Variants in ME3 observed in about 807,000 individuals in gnomAD.
The protein encoded by ME3 is NADP-dependent malic enzyme, mitochondrial.
In ME3, 48 loss-of-function variants were observed where a neutral mutation model predicts 68.9. The observed-to-expected ratio is 0.70, with a 90% CI of 0.55 to 0.89. The LOEUF is 0.89. Among genes scored for constraint, ME3 ranks in the 40% least tolerant of loss-of-function variants. The pLI, the probability that ME3 is intolerant of heterozygous loss-of-function variation, is 0.00. For missense variants in ME3, 675 were observed against 797.4 expected (o/e 0.85, Z 1.85); for synonymous variants, 320 against 318.8 (o/e 1.00, Z -0.04).
chr11:86,470,527 ACT>A (rs1202812631), intron 7 of ME3, among the ~76,000 whole-genome samples: 1 of 151,880 alleles, frequency 6.6e-6, no homozygotes, highest in Non-Finnish European at 1.5e-5. Flanking sequence ...AATTTGGAAA[ACT>A]CTGTGTGTTA....
At chr11:86,637,667 A>T (rs996328660) in intron 2 of ME3, among the ~76,000 whole-genome samples, 1 of 152,120 alleles carries the variant, frequency 6.6e-6, no homozygotes, top group African/African-American at 2.4e-5. Context: ...TGTGCTAAGG[A>T]GTTTAACTTT....
At chr11:86,435,428 G>A in the ME3 span, 1 of 152,236 alleles carries the variant, frequency 6.6e-6, no homozygotes, top group East Asian at 1.9e-4. Context: ...GTCCTCCTGA[G>A]GTAAGTGGCC....
At chr11:86,440,488 C>T (rs114247818), downstream of ME3, among the ~76,000 whole-genome samples, 473 of 152,274 alleles carry the variant, frequency 3.1e-3, 4 homozygotes, top group African/African-American at 0.011. Flanking sequence ...TCAAGTCTTC[C>T]CTAGATCTCC....
At chr11:86,524,865 G>A (rs1163307348) in intron 4 of ME3, among the ~76,000 whole-genome samples, 2 of 152,248 alleles carry the variant, frequency 1.3e-5, no homozygotes, top group Non-Finnish European at 2.9e-5. Flanking sequence ...GCAGGGGGAA[G>A]GGGAGAAGCA....
chr11:86,651,398 TC>T (rs1407343507), intron 2 of ME3, among the ~76,000 whole-genome samples: 4 of 152,140 alleles, frequency 2.6e-5, no homozygotes, highest in African/African-American at 7.2e-5. Flanking sequence ...AGACAAAACT[TC>T]CAGAGGAACG....
At chr11:86,451,948 G>A (rs1949654644) in intron 8 of ME3, among the ~76,000 whole-genome samples, 1 of 152,182 alleles carries the variant, frequency 6.6e-6, no homozygotes, top group African/African-American at 2.4e-5. Flanking sequence ...GCCTACTGAA[G>A]AATTACCTAA....
Position 86,642,695 on chromosome 11 carries a change from C to A in ME3, c.183+29067G>T, listed in dbSNP as rs113904826. Among the ~76,000 whole-genome samples, 626 of 152,222 alleles carry A rather than the reference C, an allele frequency of 4.1e-3. 3 individuals are homozygous for A. Among genetic ancestry groups the A allele is most frequent in the African/African-American group, 0.014 (568 of 41,546 alleles). On this transcript the variant is annotated intron_variant, in intron 2 of 14. Transcript: ENST00000543262. ...CTCCAGCCTGGGTGACAGAGCAAGA[C>A]CCTGTCTTATAAAATAAAATCAAAT...
At chr11:86,458,475 A>T (rs1034643486) in intron 8 of ME3, among the ~76,000 whole-genome samples, 2 of 152,040 alleles carry the variant, frequency 1.3e-5, no homozygotes, top group African/African-American at 4.8e-5. Context: ...AGGAATGATG[A>T]TCATCTTCTT....
intron 2 of ME3, among the ~76,000 whole-genome samples, chr11:86,603,038 G>T (rs112648244): frequency 1.3e-5 from 2 of 152,168 alleles, no homozygotes; most frequent in Non-Finnish European, 2.9e-5. Flanking sequence ...ATAGGCATGG[G>T]CAAGGACTTC....
At chr11:86,437,253 T>C (rs2138563873), downstream of ME3, 1 of 152,330 alleles carries the variant, frequency 6.6e-6, no homozygotes, top group African/African-American at 2.4e-5. Flanking sequence ...CTTTTATGGC[T>C]GAATAGTATT....
At chr11:86,503,178 A>G (rs1952840170) in intron 5 of ME3, among the ~76,000 whole-genome samples, 1 of 152,174 alleles carries the variant, frequency 6.6e-6, no homozygotes, top group Non-Finnish European at 1.5e-5. Context: ...TAAAATGGGG[A>G]TAACAATAGT....
At chr11:86,515,068 T>C (rs532201463) in intron 4 of ME3, among the ~76,000 whole-genome samples, 1 of 152,322 alleles carries the variant, frequency 6.6e-6, no homozygotes, top group Admixed American at 6.5e-5. Context: ...AGAAGACGGT[T>C]GTAAATAAAG....
chr11:86,475,374 T>C (rs948875525), intron 7 of ME3, among the ~76,000 whole-genome samples: 1 of 152,190 alleles, frequency 6.6e-6, no homozygotes, highest in Non-Finnish European at 1.5e-5. Flanking sequence ...CCTGAGGCCT[T>C]CTTAGAAGCT....
At chr11:86,465,435 C>T (rs1376763907) in intron 7 of ME3, among the ~76,000 whole-genome samples, 1 of 152,098 alleles carries the variant, frequency 6.6e-6, no homozygotes, top group African/African-American at 2.4e-5. Context: ...CTTTGGTGGT[C>T]AGCCAAGGCA....
intron 8 of ME3, among the ~76,000 whole-genome samples, chr11:86,460,112 T>A (rs1565807931): frequency 6.6e-6 from 1 of 152,252 alleles, no homozygotes; most frequent in Non-Finnish European, 1.5e-5. Flanking sequence ...GCAGAGATGC[T>A]TCTCTGGTCC....
intron 2 of ME3, among the ~76,000 whole-genome samples, chr11:86,570,082 C>G (rs141520497): frequency 3.9e-5 from 6 of 152,198 alleles, no homozygotes; most frequent in African/African-American, 1.4e-4. Flanking sequence ...TGAGTTCATG[C>G]ACCTGGCCCA....
rs1218833521 is a variant in ME3 at position 86,655,586 on chromosome 11, C to T, written c.183+16176G>A. On this transcript the variant is annotated intron_variant, in intron 2 of 14. Transcript: ENST00000543262. Reference sequence around the variant, plus strand: ...CTGGATCGCTTCCTTATACCTTATACAAAAATTAATTCAAGATGGATTAAA... The same window carrying T: ...CTGGATCGCTTCCTTATACCTTATATAAAAATTAATTCAAGATGGATTAAA... Among the ~76,000 whole-genome samples, 10 of 152,028 alleles carry T rather than the reference C, an allele frequency of 6.6e-5. 1 individual carries two copies. The highest frequency in any genetic ancestry group is 1.5e-4 in the Non-Finnish European group (10 of 67,988).
At chr11:86,630,771 C>T (rs74523358) in intron 2 of ME3, among the ~76,000 whole-genome samples, 1 of 152,228 alleles carries the variant, frequency 6.6e-6, no homozygotes, top group Non-Finnish European at 1.5e-5. Context: ...GTGAGTAGAA[C>T]ATTAGAAACC....
intron 2 of ME3, among the ~76,000 whole-genome samples, chr11:86,603,096 G>A (rs955485757): frequency 2.0e-5 from 3 of 152,136 alleles, no homozygotes; most frequent in African/African-American, 4.8e-5. Flanking sequence ...AAATTGACAA[G>A]TGGTATCTAA....
Sources: gnomAD v4.1 joint callset for allele counts (sites outside exome capture counted in the v4.1 genomes callset) on GRCh38, gnomAD v4.1.1 for gene constraint, MANE v1.5 for transcripts, NCBI Gene and HGNC (gene_info 2026-07-23, HGNC 2026-07-21) for gene names.